The following SORL1 variants were observed in gnomAD, a reference collection of about 807,000 sequenced individuals.
SORL1 encodes the protein sortilin-related receptor.
Under a neutral mutation model 273.7 loss-of-function variants are expected in SORL1, and 127 were observed. That is an observed-to-expected ratio of 0.46 (90% CI 0.40 to 0.54). The LOEUF is 0.54. Among genes scored for constraint, SORL1 ranks in the 20% least tolerant of loss-of-function variants. The pLI, the probability that SORL1 is intolerant of heterozygous loss-of-function variation, is 0.00. For synonymous variants in SORL1, 1,031 were observed against 1,067.4 expected (o/e 0.97, Z 0.66); for missense variants, 2,494 against 2,846.1 (o/e 0.88, Z 2.81).
chr11:121,478,133 G>C lies in SORL1; in HGVS notation c.418G>C (p.Asp140His). The change falls in exon 3 of 48, where the codon GAC becomes CAC. Residue 140 changes from aspartate (D) to histidine (H), a missense_variant. Physicochemically the swap from Asp to His is moderately conservative, Grantham distance 81. This residue lies in a region of SORL1 where 710 missense variants were observed against 882.5 expected (regional missense o/e 0.80). Transcript: ENST00000260197. ...PKSSDVYVSY[D>H]YGKSFKKISD... ...TGTATTCCAGGTGTACGTGTCTTAC[G>C]ACTATGGAAAATCATTCAAGAAAAT... is the stretch of plus-strand genomic sequence containing the variant. 1 of 1,612,886 alleles carries C rather than the reference G, an allele frequency of 6.2e-7. No homozygotes were observed. Among genetic ancestry groups the C allele is most frequent in the East Asian group, 2.2e-5 (1 of 44,818 alleles).
intron 2 of SORL1, among the ~76,000 whole-genome samples, chr11:121,476,595 C>T (rs1861270814): frequency 6.6e-6 from 1 of 152,190 alleles, no homozygotes; most frequent in Non-Finnish European, 1.5e-5. Flanking sequence ...TAGACAATAC[C>T]TGGCTCACAT....
At chr11:121,612,855 T>G (rs768445264) in intron 40 of SORL1, 23 bp downstream of exon 40, 13 of 1,557,224 alleles carry the variant, frequency 8.3e-6, no homozygotes, top group Non-Finnish European at 1.8e-6. Context: ...TGCTGGTCAG[T>G]GTGTGTGCAG....
At chr11:121,460,886 C>A (rs1241219510) in intron 1 of SORL1, among the ~76,000 whole-genome samples, 1 of 152,028 alleles carries the variant, frequency 6.6e-6, no homozygotes, top group Non-Finnish European at 1.5e-5. Flanking sequence ...TTAAGGACCC[C>A]ATTTCTCTAT....
chr11:121,577,071 A>G, intron 24 of SORL1: 3 of 1,120,504 alleles, frequency 2.7e-6, no homozygotes, highest in Non-Finnish European at 3.9e-6. Context: ...GGGTCTCAGA[A>G]TCTCAGCCCA....
chr11:121,513,032 T>C lies in SORL1; in HGVS notation c.969T>C (p.Ser323=). ...TCTTGGGCAGTGAACAGCAGTCTTC[T>C]GTCCAGCTCTGGGTCTCCTTTGGCC... The part of the protein sequence containing the change: ...VHLLGSEQQS[S]VQLWVSFGRK... Residue 323 remains serine (S), a synonymous_variant, in exon 7 of 48, where the codon TCT becomes TCC. Transcript: ENST00000260197. The C allele has an allele frequency of 6.2e-7, 1 of 1,614,206 alleles. No homozygotes were observed. The highest frequency in any genetic ancestry group is 8.5e-7 in the Non-Finnish European group (1 of 1,180,012).
chr11:121,531,830 A>G (rs1336247445), intron 11 of SORL1, among the ~76,000 whole-genome samples: 2 of 152,174 alleles, frequency 1.3e-5, no homozygotes, highest in Non-Finnish European at 2.9e-5. Flanking sequence ...TACCTACCCT[A>G]TAGGGGCTCC....
chr11:121,612,897 C>A, intron 40 of SORL1, 65 bp downstream of exon 40: 2 of 1,173,980 alleles, frequency 1.7e-6, no homozygotes, highest in Non-Finnish European at 2.5e-6. Flanking sequence ...TGCTTTCCCG[C>A]TGTAGAGCTT....
At position 121,607,302 on chromosome 11, in the gene SORL1, C is replaced by T. The variant is rs755585160; in HGVS notation, c.5166+12C>T. On this transcript the variant is annotated intron_variant, in intron 37 of 47. Transcript: ENST00000260197. The stretch of plus-strand genomic sequence containing the variant: ...TATACACCGTCAGAGTGAGTGTCGT[C>T]ATCCATTCCAGCCATCCATGCAGTC... The T allele has an allele frequency of 1.4e-6, 2 of 1,440,610 alleles. No homozygotes were observed. Among genetic ancestry groups the T allele is most frequent in the South Asian group, 1.1e-5 (1 of 87,306 alleles). 89.2% of individuals were successfully genotyped at this position (1,440,610 alleles called of 1,614,324 possible).
intron 24 of SORL1, among the ~76,000 whole-genome samples, chr11:121,575,968 G>A (rs1862923559): frequency 6.6e-6 from 1 of 152,160 alleles, no homozygotes; most frequent in South Asian, 2.1e-4. Flanking sequence ...TTCCTCTGAT[G>A]CAGGTCCTCT....
rs1182520680 is a variant in SORL1 at position 121,567,212 on chromosome 11, G to A, written c.3223+99G>A. ...TAGCTCTCTGTTTCCTAACCTTTTC[G>A]TGTTATTGGAAAAAGTCCAAGGTAA... is the stretch of plus-strand genomic sequence containing the variant. On this transcript the variant is annotated intron_variant, in intron 22 of 47. Transcript: ENST00000260197. 2.5e-5 allele frequency: 26 copies of A among 1,051,600 alleles called. No individual in the cohort carries two copies. The East Asian group carries it at 3.6e-4, about 15-fold the overall frequency. 65.1% of individuals were successfully genotyped at this position (1,051,600 alleles called of 1,614,324 possible).
intron 8 of SORL1, among the ~76,000 whole-genome samples, chr11:121,517,544 G>A (rs1861974154): frequency 6.6e-6 from 1 of 152,162 alleles, no homozygotes; most frequent in Non-Finnish European, 1.5e-5. Flanking sequence ...CCCTGGCTGT[G>A]GAATGGAAAA....
At chr11:121,558,306 C>T (rs562068247) in intron 19 of SORL1, among the ~76,000 whole-genome samples, 2 of 152,280 alleles carry the variant, frequency 1.3e-5, no homozygotes, top group African/African-American at 4.8e-5. Context: ...CATAATGTGT[C>T]ACTTCCTCTG....
chr11:121,556,237 G>C (rs1862580091), intron 18 of SORL1, among the ~76,000 whole-genome samples: 1 of 152,230 alleles, frequency 6.6e-6, no homozygotes, highest in African/African-American at 2.4e-5. Context: ...TTCCAGTAGA[G>C]CTTAGATTTT....
intron 1 of SORL1, among the ~76,000 whole-genome samples, chr11:121,467,046 T>C (rs1861093900): frequency 6.7e-6 from 1 of 149,976 alleles, no homozygotes; most frequent in Admixed American, 6.6e-5. Flanking sequence ...TTTTTTTTTT[T>C]TGAGGTGGAG....
Position 121,596,390 on chromosome 11 carries a change from G to C in SORL1, c.4519+618G>C, listed in dbSNP as rs1355124692. On this transcript the variant is annotated intron_variant, in intron 32 of 47. Transcript: ENST00000260197. The surrounding 1 kb of genome is among the most constrained non-coding windows in gnomAD (Gnocchi z 4.3). ...GGGAGGATCTTTGCAGTGAGTGATG[G>C]AGGGAGACACTGGCTTCTGCAAGCG... 6.6e-6 allele frequency among the ~76,000 whole-genome samples: 1 copy of C among 152,200 alleles called. No individual in the cohort carries two copies. Among genetic ancestry groups the C allele is most frequent in the African/African-American group, 2.4e-5 (1 of 41,448 alleles).
chr11:121,536,458 T>C (rs1591316267), intron 12 of SORL1, among the ~76,000 whole-genome samples: 1 of 143,328 alleles, frequency 7.0e-6, no homozygotes, highest in East Asian at 2.1e-4. Flanking sequence ...TGGAGTTCAG[T>C]GGTGCGATCT....
chr11:121,608,128 A>G lies in SORL1; in HGVS notation c.5191A>G (p.Ile1731Val), dbSNP rs1040138708. Residue 1731 changes from isoleucine (I) to valine (V), a missense_variant, in exon 38 of 48, where the codon ATA (isoleucine) becomes GTA (valine). Coordinates refer to ENST00000260197, the MANE Select transcript of SORL1 (RefSeq NM_003105.6). ...GGTGGCTGCGGTGACTAGTCGTGGA[A>G]TAGGAAACTGGAGCGATTCTAAATC... is the stretch of plus-strand genomic sequence containing the variant. Reference protein sequence around the residue: ...VRVAAVTSRGIGNWSDSKSIT... With the variant: ...VRVAAVTSRGVGNWSDSKSIT... 1 of 1,614,002 alleles carries G rather than the reference A, an allele frequency of 6.2e-7. No individual in the cohort carries two copies. Among genetic ancestry groups the G allele is most frequent in the African/African-American group, 1.3e-5 (1 of 74,938 alleles).
chr11:121,576,153 G>T (rs925605598), intron 24 of SORL1, among the ~76,000 whole-genome samples: 2 of 152,240 alleles, frequency 1.3e-5, no homozygotes, highest in African/African-American at 4.8e-5. Flanking sequence ...TATTTGGGCT[G>T]TGATAACAAA....
chr11:121,593,063 C>A (rs1182515470), intron 31 of SORL1, among the ~76,000 whole-genome samples: 1 of 152,190 alleles, frequency 6.6e-6, no homozygotes, highest in African/African-American at 2.4e-5. Flanking sequence ...ATATTTCTCC[C>A]CCTTTCAGTT....
Sources: allele counts gnomAD v4.1 joint callset (sites outside exome capture counted in the v4.1 genomes callset), GRCh38; gene constraint gnomAD v4.1.1; regional missense constraint gnomAD v4.1.1; non-coding constraint Gnocchi (gnomAD v3.1); transcripts MANE v1.5; gene names NCBI Gene and HGNC (gene_info 2026-07-23, HGNC 2026-07-21).